COQ4: variants seen among roughly 807,000 people sequenced by gnomAD.
COQ4 encodes ubiquinone biosynthesis protein COQ4 homolog, mitochondrial.
In COQ4, 36 loss-of-function variants were observed where a neutral mutation model predicts 30.2. The ratio of observed to expected loss-of-function variants is 1.19; its 90% CI spans 0.91 to 1.57. COQ4 has a LOEUF of 1.57. Among genes scored for constraint, COQ4 ranks in the 40% most tolerant of loss-of-function variants. The pLI, the probability that COQ4 is intolerant of heterozygous loss-of-function variation, is 0.00. For synonymous variants in COQ4, 197 were observed against 161.0 expected (o/e 1.22, Z -1.69); for missense variants, 369 against 371.9 (o/e 0.99, Z 0.07).
At chr9:128,323,725 G>T (rs1348747105) in intron 2 of COQ4, 3 of 174,626 alleles carry the variant, frequency 1.7e-5, no homozygotes, top group Non-Finnish European at 3.6e-5. Context: ...GGCCGAAGCG[G>T]GCAGATGGCT....
In COQ4 at chr9:128,325,800, A is replaced by G. The variant is rs754174993; in HGVS notation, c.321A>G (p.Thr107=). 3.1e-6 allele frequency: 5 copies of G among 1,613,956 alleles called. No homozygotes were observed. The African/African-American group carries it at 6.7e-5, about 22-fold the overall frequency. ...QILQERPRIS[T]STLDLGKLQS... is the part of the protein sequence containing the mutation. The stretch of plus-strand genomic sequence containing the variant: ...TCAGGGAGCGTCCCCGGATTTCGAC[A>G]TCCACCCTCGACCTGGGCAAGCTCC... Residue 107 remains threonine (T), a synonymous_variant, in exon 4 of 7, where the codon ACA becomes ACG. Coordinates refer to ENST00000300452, the MANE Select transcript of COQ4 (RefSeq NM_016035.5).
At chr9:128,332,968 T>G (rs373610041) in intron 6 of COQ4, 25 bp downstream of exon 6, 368 of 1,588,626 alleles carry the variant, frequency 2.3e-4, no homozygotes, top group Middle Eastern at 1.0e-3. Context: ...GGTAGCTGGG[T>G]CGGGGTTGAG....
chr9:128,332,841 C>T lies in COQ4; in HGVS notation c.533-9C>T. 1 of 1,609,488 alleles carries T rather than the reference C, an allele frequency of 6.2e-7. No individual in the cohort carries two copies. The highest frequency in any genetic ancestry group is 8.5e-7 in the Non-Finnish European group (1 of 1,175,744). On this transcript the variant is annotated splice_polypyrimidine_tract_variant and intron_variant, in intron 5 of 6. Coordinates refer to ENST00000300452, the MANE Select transcript of COQ4 (RefSeq NM_016035.5). ...CTTGTTCACCTCCCAACACATCCCT[C>T]ACCCACAGGGGAGATCGTGGTGAAA...
Position 128,323,146 on chromosome 9 carries a change from C to CG in COQ4, c.202+1dup. The CG allele has an allele frequency of 6.3e-7, 1 of 1,585,936 alleles. No individual in the cohort carries two copies. Among genetic ancestry groups the CG allele is most frequent in the Non-Finnish European group, 8.5e-7 (1 of 1,169,824 alleles). ...TGGCGCTCTATAACCCCTACCGCCA[C>CG]GGTAAGGCCGCCCGCGCCTCGCCCC... On this transcript the variant is annotated frameshift_variant and splice_region_variant, in exon 2 of 7. Transcript: ENST00000300452. LOFTEE classifies it high-confidence loss of function.
At chr9:128,329,495 G>A (rs954761830) in intron 4 of COQ4, among the ~76,000 whole-genome samples, 1 of 152,056 alleles carries the variant, frequency 6.6e-6, no homozygotes, top group African/African-American at 2.4e-5. Flanking sequence ...TCAGCCTCCT[G>A]AGTAGCTGGG....
In COQ4 at chr9:128,332,045, C is replaced by G. The variant is rs1164150034; in HGVS notation, c.403-108C>G. 4 of 1,339,150 alleles carry G rather than the reference C, an allele frequency of 3.0e-6. No homozygotes were observed. In the South Asian group the frequency reaches 5.8e-5, roughly 19 times the overall value. The allele number at this position is 1,339,150 out of a possible 1,614,324, so 83.0% of individuals were successfully genotyped here. Reference sequence around the variant, plus strand: ...GCCCCTGGCCAGTCGCCAGAGTTTTCTAGTAGGTATGAGTTAGGTGAGAGT... The same window carrying G: ...GCCCCTGGCCAGTCGCCAGAGTTTTGTAGTAGGTATGAGTTAGGTGAGAGT... On this transcript the variant is annotated intron_variant, in intron 4 of 6. Transcript: ENST00000300452.
chr9:128,323,041 C>A lies in COQ4; in HGVS notation c.96C>A (p.Asp32Glu), dbSNP rs545007629. 80 of 1,612,046 alleles carry A rather than the reference C, an allele frequency of 5.0e-5. No individual in the cohort carries two copies. In the East Asian group the frequency reaches 1.7e-3, roughly 35 times the overall value. Residue 32 changes from aspartate to glutamate, a missense_variant, in exon 2 of 7, where the codon GAC becomes GAA. Transcript: ENST00000300452. ...AAEMPLRARS[D>E]GAGPLYSHHL... ...AAATGCCCCTCCGGGCTAGGAGCGA[C>A]GGCGCCGGCCCGCTATACTCGCACC...
In COQ4 at chr9:128,325,254, TGCCTGGGG is replaced by T. The variant is rs1428001145; in HGVS notation, c.299+17_299+24del. On this transcript the variant is annotated intron_variant, in intron 3 of 6. Transcript: ENST00000300452. Reference sequence around the variant, plus strand: ...CAGATCCTGCAGTAGGTCCCAGCTCTGCCTGGGGGTCTGGGGGCATTCTCTAGGTATTC... The same window carrying T: ...CAGATCCTGCAGTAGGTCCCAGCTCTGTCTGGGGGCATTCTCTAGGTATTC... 4 of 1,578,676 alleles carry T rather than the reference TGCCTGGGG, an allele frequency of 2.5e-6. No homozygotes were observed. The highest frequency in any genetic ancestry group is 1.3e-5 in the African/African-American group (1 of 74,176).
chr9:128,333,481 C>T lies in COQ4; in HGVS notation c.634C>T (p.Gln212Ter). ...GPIRLGAQSL[Q>*]VLVSELIPWA... ...TCCTCTGCTGCCCCACAGGAGCCTG[C>T]AAGTGCTGGTCTCGGAGTTGATCCC... Residue 212 changes from glutamine to a stop codon, truncating the protein, a stop_gained, in exon 7 of 7, where the codon CAA becomes TAA. Transcript: ENST00000300452. LOFTEE classifies it high-confidence loss of function. 1 of 1,531,998 alleles carries T rather than the reference C, an allele frequency of 6.5e-7. No individual in the cohort carries two copies. The highest frequency in any genetic ancestry group is 1.3e-5 in the South Asian group (1 of 78,560). The allele number at this position is 1,531,998 out of a possible 1,614,324, so 94.9% of individuals were successfully genotyped here.
rs909428117 is a variant in COQ4 at position 128,322,875 on chromosome 9, GCC to G, written c.19_20del (p.Pro7CysfsTer23). 1 of 1,581,554 alleles carries G rather than the reference GCC, an allele frequency of 6.3e-7. No homozygotes were observed. Among genetic ancestry groups the G allele is most frequent in the Non-Finnish European group, 8.6e-7 (1 of 1,167,994 alleles). On this transcript the variant is annotated frameshift_variant, in exon 1 of 7. Transcript: ENST00000300452. LOFTEE classifies it high-confidence loss of function. ...CCCGCTGCCATGGCGACTCTGCTGC[GCC>G]CTGTCCTCCGTCGGCTCTGCGGGCT...
At position 128,325,815 on chromosome 9, in the gene COQ4, G is replaced by A. The variant is rs779533723; in HGVS notation, c.336G>A (p.Leu112=). The A allele has an allele frequency of 1.2e-6, 2 of 1,614,190 alleles. No individual in the cohort carries two copies. The highest frequency in any genetic ancestry group is 2.2e-5 in the East Asian group (1 of 44,882). ...RPRISTSTLD[L]GKLQSLPEGS... is the part of the protein sequence containing the mutation. ...GGATTTCGACATCCACCCTCGACCT[G>A]GGCAAGCTCCAGAGCCTGCCGGAAG... is the stretch of plus-strand genomic sequence containing the variant. The change falls in exon 4 of 7, where the codon CTG becomes CTA. Residue 112 remains leucine, a synonymous_variant. Transcript: ENST00000300452.
chr9:128,325,124 C>T lies in COQ4; in HGVS notation c.203-19C>T. ...CCTAAGATGACATCCCCCATTTGTG[C>T]CCGTTTCTGTCCTTTCAGACATGGT... On this transcript the variant is annotated intron_variant, in intron 2 of 6. Transcript: ENST00000300452. 1 of 1,596,148 alleles carries T rather than the reference C, an allele frequency of 6.3e-7. No individual in the cohort carries two copies. The highest frequency in any genetic ancestry group is 8.6e-7 in the Non-Finnish European group (1 of 1,165,650).
At chr9:128,332,472 C>A in intron 5 of COQ4, 190 bp downstream of exon 5, 1 of 649,202 alleles carries the variant, frequency 1.5e-6, no homozygotes, top group Non-Finnish European at 2.6e-6. Context: ...GGCTCCTGCA[C>A]TAATGGAGCA....
At chr9:128,329,573 T>A (rs573360446) in intron 4 of COQ4, among the ~76,000 whole-genome samples, 2 of 152,170 alleles carry the variant, frequency 1.3e-5, no homozygotes, top group Non-Finnish European at 2.9e-5. Flanking sequence ...TTTCATCATA[T>A]TGGCCAGGCT....
intron 4 of COQ4, chr9:128,326,096 C>T: frequency 3.4e-6 from 2 of 591,332 alleles, no homozygotes; most frequent in Non-Finnish European, 6.0e-6. Context: ...ATTAACCTCG[C>T]ACTGCATGCC....
chr9:128,325,116 C>A (rs780277549), intron 2 of COQ4, 27 bp from the exon 3 acceptor site: 6 of 1,561,042 alleles, frequency 3.8e-6, no homozygotes, highest in South Asian at 2.2e-5. Context: ...TGACATCCCC[C>A]ATTTGTGCCC....
At chr9:128,323,855 G>A (rs1348803694) in intron 2 of COQ4, among the ~76,000 whole-genome samples, 4 of 152,226 alleles carry the variant, frequency 2.6e-5, no homozygotes, top group African/African-American at 4.8e-5. Flanking sequence ...TGAGGTGGAA[G>A]GACCATTTGA....
At chr9:128,333,426 C>T in intron 6 of COQ4, 48 bp from the exon 7 acceptor site, 1 of 1,458,634 alleles carries the variant, frequency 6.9e-7, no homozygotes, top group South Asian at 1.5e-5. Context: ...CAGTCGAGTG[C>T]CTGGCCCCAG....
chr9:128,323,216 A>T, intron 2 of COQ4, 69 bp downstream of exon 2: 2 of 1,448,676 alleles, frequency 1.4e-6, no homozygotes, highest in Non-Finnish European at 1.8e-6. Context: ...ACTGGAACAT[A>T]GCCTAGGTCG....
Sources: allele counts gnomAD v4.1 joint callset (sites outside exome capture counted in the v4.1 genomes callset), GRCh38; gene constraint gnomAD v4.1.1; transcripts MANE v1.5; gene names NCBI Gene and HGNC (gene_info 2026-07-23, HGNC 2026-07-21).